Variants in TXNRD1 observed in about 807,000 individuals in gnomAD.
TXNRD1 encodes the protein thioredoxin reductase 1, cytoplasmic.
TXNRD1 carries 57 observed loss-of-function variants against 80.3 expected under a neutral mutation model. The observed-to-expected ratio is 0.71, with a 90% CI of 0.57 to 0.89. The LOEUF (loss-of-function observed/expected upper bound fraction) is 0.89, where lower values mean the gene tolerates loss of function less well. Ranked by LOEUF, TXNRD1 falls within the 40% of genes least tolerant of loss-of-function variation. TXNRD1 has a pLI of 0.00. For synonymous variants in TXNRD1, 291 were observed against 285.2 expected, an observed-to-expected ratio of 1.02 and a Z score of -0.20; for missense variants, 730 against 803.0, an observed-to-expected ratio of 0.91 and a Z score of 1.10.
At chr12:104,264,345 A>C (rs2033430591) in intron 3 of TXNRD1, among the ~76,000 whole-genome samples, 2 of 152,230 alleles carry the variant, frequency 1.3e-5, no homozygotes. Context: ...TGGCATGTTC[A>C]TTTAGAGCAA....
At chr12:104,265,969 GAA>G (rs1216154806) in intron 3 of TXNRD1, 1 of 552,656 alleles carries the variant, frequency 1.8e-6, no homozygotes, top group Non-Finnish European at 3.0e-6. Context: ...AAAAAAAAAA[GAA>G]AAGAAATAAT....
chr12:104,240,319 G>A (rs2032831521), intron 1 of TXNRD1, among the ~76,000 whole-genome samples: 1 of 152,072 alleles, frequency 6.6e-6, no homozygotes, highest in African/African-American at 2.4e-5. Flanking sequence ...TTGAAATACA[G>A]TGTAACCACA....
chr12:104,286,881 A>C, intron 3 of TXNRD1: 7 of 1,113,734 alleles, frequency 6.3e-6, no homozygotes, highest in Non-Finnish European at 7.7e-6. Context: ...CTCTCAGCTT[A>C]CGAGGCAATT....
intron 1 of TXNRD1, among the ~76,000 whole-genome samples, chr12:104,223,863 A>G (rs543497125): frequency 6.6e-6 from 1 of 152,338 alleles, no homozygotes; most frequent in East Asian, 1.9e-4. Context: ...AGGAGTGCTA[A>G]TGGTGTTTAT....
At chr12:104,249,927 C>T (rs1234432145) in intron 1 of TXNRD1, among the ~76,000 whole-genome samples, 3 of 111,136 alleles carry the variant, frequency 2.7e-5, no homozygotes, top group Admixed American at 1.0e-4. Flanking sequence ...CAGAGCGAGA[C>T]GCCGTCTCAA....
chr12:104,334,962 G>C (rs901028260), intron 15 of TXNRD1, among the ~76,000 whole-genome samples: 5 of 152,094 alleles, frequency 3.3e-5, no homozygotes, highest in African/African-American at 1.2e-4. Flanking sequence ...TAACAAAAAA[G>C]AACAGGAGCA....
chr12:104,253,855 G>A (rs187611463), intron 2 of TXNRD1, among the ~76,000 whole-genome samples: 36 of 152,116 alleles, frequency 2.4e-4, no homozygotes, highest in African/African-American at 7.0e-4. Context: ...ACCATGCCTG[G>A]CTAATTTTTG....
At chr12:104,246,476 A>G (rs967755727) in intron 1 of TXNRD1, among the ~76,000 whole-genome samples, 7 of 151,644 alleles carry the variant, frequency 4.6e-5, no homozygotes, top group Admixed American at 6.6e-5. Flanking sequence ...CAAATTATCA[A>G]GTCATCATTG....
Position 104,228,965 on chromosome 12 carries a change from C to A in TXNRD1, c.91+13072C>A, listed in dbSNP as rs929871716. Among the ~76,000 whole-genome samples the A allele has an allele frequency of 3.9e-5, 6 of 151,946 alleles. No individual in the cohort carries two copies. In the East Asian group the frequency reaches 1.2e-3, roughly 30 times the overall value. On this transcript the variant is annotated intron_variant, in intron 1 of 16. Coordinates refer to ENST00000525566, the MANE Select transcript of TXNRD1 (RefSeq NM_001093771.3). ...CGATCTCCTGACCTGGTGATCCCCC[C>A]GCCTCGGCCTCCCAAAGTAGTGGGA...
rs191644800 is a variant in TXNRD1, at chr12:104,218,012, A to G, written c.91+2119A>G. On this transcript the variant is annotated intron_variant, in intron 1 of 16. Coordinates refer to ENST00000525566, the MANE Select transcript of TXNRD1 (RefSeq NM_001093771.3). ...CACACACACACACACAAAATGGAAT[A>G]TATATACACACACACACCACATTTT... is the stretch of plus-strand genomic sequence containing the variant. Among the ~76,000 whole-genome samples the G allele has an allele frequency of 1.7e-3, 252 of 152,118 alleles. 1 individual carries two copies. Among genetic ancestry groups the G allele is most frequent in the Non-Finnish European group, 2.0e-3 (138 of 67,998 alleles).
intron 3 of TXNRD1, chr12:104,286,730 T>G: frequency 2.0e-6 from 2 of 1,014,756 alleles, no homozygotes; most frequent in Non-Finnish European, 2.4e-6. Flanking sequence ...AGCTACTGCC[T>G]TAGGGCATAG....
At position 104,309,974 on chromosome 12, in the gene TXNRD1, C is replaced by G. The variant is rs1005865713; in HGVS notation, c.415-1316C>G. 5.2e-6 allele frequency: 8 copies of G among 1,536,156 alleles called. No individual in the cohort carries two copies. In the African/African-American group the frequency reaches 1.1e-4, roughly 21 times the overall value. On this transcript the variant is annotated intron_variant, in intron 4 of 16. Coordinates refer to ENST00000525566, the MANE Select transcript of TXNRD1 (RefSeq NM_001093771.3). ...AGGTAGCCACAGTGCTGTGCTTCCT[C>G]CTTCACATTGCTCCACCGCACCCCC...
At chr12:104,305,999 G>T (rs1432457194) in intron 4 of TXNRD1, among the ~76,000 whole-genome samples, 2 of 152,106 alleles carry the variant, frequency 1.3e-5, no homozygotes, top group African/African-American at 4.8e-5. Flanking sequence ...TGCCTGCGGG[G>T]TTCAGGCGAT....
rs2036585901 is a variant in TXNRD1 at position 104,349,559 on chromosome 12, TG to T, written c.*1139del. ...ACTTTTTCTGTTGAATGAACAACTGTGCCTTGTGGAATTTTTGCAGAAGTGT... is the reference window on the plus strand; with the variant it reads ...ACTTTTTCTGTTGAATGAACAACTGTCCTTGTGGAATTTTTGCAGAAGTGT... On this transcript the variant is annotated 3_prime_UTR_variant, in exon 17 of 17. Coordinates refer to ENST00000525566, the MANE Select transcript of TXNRD1 (RefSeq NM_001093771.3). 1 of 152,594 alleles carries T rather than the reference TG, an allele frequency of 6.6e-6. No homozygotes were observed. The highest frequency in any genetic ancestry group is 1.5e-5 in the Non-Finnish European group (1 of 68,038). 9.5% of individuals were successfully genotyped at this position (152,594 alleles called of 1,614,324 possible). A position where few individuals can be genotyped will look rare whatever the true frequency, so the allele number is the denominator to read the frequency against.
intron 3 of TXNRD1, among the ~76,000 whole-genome samples, chr12:104,272,391 G>C (rs1385589442): frequency 1.3e-5 from 2 of 152,222 alleles, no homozygotes; most frequent in African/African-American, 4.8e-5. Context: ...GAATGAGTCA[G>C]GGTGGGGTAG....
chr12:104,304,512 G>T (rs374997109), intron 4 of TXNRD1: 2 of 1,613,868 alleles, frequency 1.2e-6, no homozygotes, highest in Admixed American at 1.7e-5. Flanking sequence ...AAAAAAGTTC[G>T]CAAGATGGAA....
intron 1 of TXNRD1, among the ~76,000 whole-genome samples, chr12:104,232,204 T>C (rs1322271291): frequency 6.6e-6 from 1 of 152,206 alleles, no homozygotes; most frequent in Non-Finnish European, 1.5e-5. Flanking sequence ...CAAATATCTG[T>C]AAGTTGGGTG....
At chr12:104,257,636 T>C (rs2033286472) in intron 2 of TXNRD1, among the ~76,000 whole-genome samples, 1 of 152,170 alleles carries the variant, frequency 6.6e-6, no homozygotes, top group African/African-American at 2.4e-5. Flanking sequence ...CTTGAACTCC[T>C]GACCTCAGGT....
intron 1 of TXNRD1, among the ~76,000 whole-genome samples, chr12:104,229,075 A>G (rs1593684795): frequency 6.8e-6 from 1 of 146,888 alleles, no homozygotes. Context: ...GTAAATTTTC[A>G]CTCTTTCCCT....
Sources: allele counts gnomAD v4.1 joint callset (sites outside exome capture counted in the v4.1 genomes callset), GRCh38; gene constraint gnomAD v4.1.1; transcripts MANE v1.5; gene names NCBI Gene and HGNC (gene_info 2026-07-23, HGNC 2026-07-21).